The following FANCL variants were observed in gnomAD, a reference collection of about 807,000 sequenced individuals.
FANCL encodes FA complementation group L.
In FANCL, 69 loss-of-function variants were observed where a neutral mutation model predicts 59.4. The ratio of observed to expected loss-of-function variants is 1.16; its 90% CI spans 0.96 to 1.42. FANCL has a LOEUF of 1.42. Among genes scored for constraint, FANCL ranks in the 40% most tolerant of loss-of-function variants. The pLI, the probability that FANCL is intolerant of heterozygous loss-of-function variation, is 0.00. For missense variants in FANCL, 519 were observed against 447.2 expected, an observed-to-expected ratio of 1.16 and a Z score of -1.45; for synonymous variants, 180 against 147.1, an observed-to-expected ratio of 1.22 and a Z score of -1.62.
chr2:58,177,635 GT>G (rs1374038247), intron 7 of FANCL, among the ~76,000 whole-genome samples: 101 of 100,968 alleles, frequency 1.0e-3, no homozygotes, highest in African/African-American at 3.7e-3. Context: ...CTGTTGTGGG[GT>G]GGGGGGAGGG....
intron 8 of FANCL, among the ~76,000 whole-genome samples, chr2:58,164,482 T>G (rs1685671167): frequency 6.6e-6 from 1 of 152,026 alleles, no homozygotes; most frequent in Non-Finnish European, 1.5e-5. Context: ...AACACTGTCA[T>G]CTGGTAATGG....
chr2:58,218,754 T>C (rs907307651), intron 5 of FANCL, among the ~76,000 whole-genome samples: 48 of 152,082 alleles, frequency 3.2e-4, no homozygotes, highest in South Asian at 4.2e-4. Context: ...TAACAGATAA[T>C]GGGAGCTCGG....
chr2:58,206,467 G>A (rs1690592623), intron 5 of FANCL, among the ~76,000 whole-genome samples: 1 of 151,540 alleles, frequency 6.6e-6, no homozygotes, highest in Non-Finnish European at 1.5e-5. Flanking sequence ...AATATAAAGA[G>A]GGAGAGAGAA....
intron 5 of FANCL, among the ~76,000 whole-genome samples, chr2:58,205,242 T>C (rs1690470186): frequency 6.6e-6 from 1 of 151,992 alleles, no homozygotes; most frequent in African/African-American, 2.4e-5. Flanking sequence ...TTTCAAGAAA[T>C]GCACAATGAA....
intron 8 of FANCL, among the ~76,000 whole-genome samples, chr2:58,164,996 C>A (rs532588938): frequency 1.3e-5 from 2 of 152,042 alleles, no homozygotes; most frequent in East Asian, 3.9e-4. Context: ...TTTCAAAATA[C>A]CCTTGAACAA....
At chr2:58,166,023 G>T in intron 7 of FANCL, 149 bp from the exon 8 acceptor site, 1 of 713,140 alleles carries the variant, frequency 1.4e-6, no homozygotes, top group Non-Finnish European at 2.4e-6. Context: ...GACTCTCCCT[G>T]CTTCACATCT....
In FANCL at chr2:58,159,396, G is replaced by A. The variant is rs1684695774; in HGVS notation, c.*369C>T. 1 of 1,613,134 alleles carries A rather than the reference G, an allele frequency of 6.2e-7. No homozygotes were observed. Among genetic ancestry groups the A allele is most frequent in the East Asian group, 2.2e-5 (1 of 44,840 alleles). Reference sequence around the variant, plus strand: ...AATATCAAGAGTCTCAAGAACCTTTGAATGAAGTAAACAGTTTCCCACAAA... The same window carrying A: ...AATATCAAGAGTCTCAAGAACCTTTAAATGAAGTAAACAGTTTCCCACAAA... On this transcript the variant is annotated 3_prime_UTR_variant, in exon 14 of 14. Transcript: ENST00000233741.
Position 58,232,114 on chromosome 2 carries a change from T to C in FANCL, c.97-2A>G. On this transcript the variant is annotated splice_acceptor_variant, in intron 1 of 13. Transcript: ENST00000233741. LOFTEE classifies it high-confidence loss of function. The stretch of plus-strand genomic sequence containing the variant: ...TATCCTAAGGTGGAAGTCTCTTCCC[T>C]GTGGAAAATATTGAAAAGGATCACT... 1 of 1,612,368 alleles carries C rather than the reference T, an allele frequency of 6.2e-7. No homozygotes were observed. The highest frequency in any genetic ancestry group is 2.2e-5 in the East Asian group (1 of 44,770).
At chr2:58,165,918 C>T (rs1488601580) in intron 7 of FANCL, 44 bp from the exon 8 acceptor site, 1 of 1,575,108 alleles carries the variant, frequency 6.3e-7, no homozygotes. Flanking sequence ...GGTACTCTAC[C>T]AATAGCAGAT....
intron 7 of FANCL, among the ~76,000 whole-genome samples, chr2:58,178,138 C>G (rs1687550464): frequency 6.6e-6 from 1 of 152,126 alleles, no homozygotes; most frequent in Admixed American, 6.6e-5. Flanking sequence ...CACACAGATT[C>G]ACAGCCAAAT....
At chr2:58,216,316 C>A (rs1182349296) in intron 5 of FANCL, among the ~76,000 whole-genome samples, 4 of 152,108 alleles carry the variant, frequency 2.6e-5, no homozygotes, top group Admixed American at 6.5e-5. Context: ...AAAGCTAAAC[C>A]CTGTACAGAA....
chr2:58,206,992 G>GC (rs1690652144), intron 5 of FANCL, among the ~76,000 whole-genome samples: 1 of 152,174 alleles, frequency 6.6e-6, no homozygotes, highest in Admixed American at 6.5e-5. Context: ...TAGGATCCCT[G>GC]CCCCCACTCA....
chr2:58,234,445 A>G (rs1193890950), intron 1 of FANCL, among the ~76,000 whole-genome samples: 1 of 151,984 alleles, frequency 6.6e-6, no homozygotes, highest in Admixed American at 6.6e-5. Flanking sequence ...GCAAAGAAAA[A>G]GCAAGAAAAT....
intron 9 of FANCL, 113 bp from the exon 10 acceptor site, chr2:58,163,187 G>C: frequency 1.0e-6 from 1 of 986,804 alleles, no homozygotes; most frequent in Non-Finnish European, 1.5e-6. Flanking sequence ...AAAATTATAT[G>C]TATTATGTTA....
Position 58,200,408 on chromosome 2 carries a change from T to C in FANCL, c.472-1746A>G, listed in dbSNP as rs144020929. ...AGAAGTGTTACAAAATCTCTTTTCC[T>C]TCTAAAATGTCAAAATTCTTTAAAA... On this transcript the variant is annotated intron_variant, in intron 6 of 13. Coordinates refer to ENST00000233741, the MANE Select transcript of FANCL (RefSeq NM_018062.4). 2.6e-5 allele frequency among the ~76,000 whole-genome samples: 4 copies of C among 152,188 alleles called. No individual in the cohort carries two copies. In the East Asian group the frequency reaches 7.7e-4, roughly 29 times the overall value.
chr2:58,186,942 T>C (rs547104367), intron 7 of FANCL, among the ~76,000 whole-genome samples: 114 of 152,224 alleles, frequency 7.5e-4, no homozygotes, highest in Non-Finnish European at 1.3e-3. Context: ...TGTGGAGAAA[T>C]AGGAATGCTT....
rs781556579 is a variant in FANCL at position 58,159,637 on chromosome 2, C to A, written c.*128G>T. ...GACAAACGCAGATGTTTATTATTAT[C>A]GCATCATCATACCTGTCCTTTTGAT... On this transcript the variant is annotated 3_prime_UTR_variant, in exon 14 of 14. Coordinates refer to ENST00000233741, the MANE Select transcript of FANCL (RefSeq NM_018062.4). The A allele has an allele frequency of 5.0e-6, 8 of 1,613,722 alleles. No homozygotes were observed. The Admixed American group carries it at 1.2e-4, about 24-fold the overall frequency.
chr2:58,221,138 G>A (rs1327091996), intron 5 of FANCL, among the ~76,000 whole-genome samples: 5 of 151,950 alleles, frequency 3.3e-5, no homozygotes, highest in African/African-American at 7.3e-5. Flanking sequence ...GCGTGAACCC[G>A]GGAGGCGGAG....
At chr2:58,236,125 G>T (rs1180007474) in intron 1 of FANCL, among the ~76,000 whole-genome samples, 1 of 150,464 alleles carries the variant, frequency 6.6e-6, no homozygotes, top group Non-Finnish European at 1.5e-5. Flanking sequence ...TATACTCAGA[G>T]ATCCAAGAAG....
Sources: allele counts gnomAD v4.1 joint callset (sites outside exome capture counted in the v4.1 genomes callset), GRCh38; gene constraint gnomAD v4.1.1; transcripts MANE v1.5; gene names NCBI Gene and HGNC (gene_info 2026-07-23, HGNC 2026-07-21).